Variants in FAM135B observed in about 807,000 individuals in gnomAD.
The protein encoded by FAM135B is family with sequence similarity 135 member B, also known as protein FAM135B.
Under a neutral mutation model 127.7 loss-of-function variants are expected in FAM135B, and 43 were observed. The observed-to-expected ratio is 0.34, with a 90% CI of 0.26 to 0.43. The LOEUF is 0.43. Ranked by LOEUF, FAM135B falls within the 20% of genes least tolerant of loss-of-function variation. The probability of loss-of-function intolerance (pLI) is 1.00; values close to 1 mark genes in which losing one functional copy is unlikely to be tolerated. For missense variants in FAM135B, 1,558 were observed against 1,725.6 expected (o/e 0.90, Z 1.72); for synonymous variants, 670 against 665.1 (o/e 1.01, Z -0.11).
intron 1 of FAM135B, among the ~76,000 whole-genome samples, chr8:138,442,932 A>G (rs1250102883): frequency 6.6e-6 from 1 of 152,186 alleles, no homozygotes; most frequent in African/African-American, 2.4e-5. Context: ...GGTTGTCAGG[A>G]GAACATCCCT....
chr8:138,425,442 G>A (rs1339765414), intron 1 of FAM135B: 1 of 152,184 alleles, frequency 6.6e-6, no homozygotes, highest in African/African-American at 2.4e-5. Flanking sequence ...TCACCAATAA[G>A]ATGCGGTTGC....
intron 2 of FAM135B, among the ~76,000 whole-genome samples, chr8:138,363,045 G>C (rs1411473333): frequency 6.6e-6 from 1 of 152,162 alleles, no homozygotes; most frequent in Non-Finnish European, 1.5e-5. Context: ...AGGTTATACT[G>C]AGCTGGAACT....
At chr8:138,194,571 A>G (rs980125043) in intron 9 of FAM135B, among the ~76,000 whole-genome samples, 8 of 152,212 alleles carry the variant, frequency 5.3e-5, no homozygotes, top group Non-Finnish European at 8.8e-5. Context: ...GTTGAGAAAC[A>G]CTGGTTTAAC....
At chr8:138,275,115 G>T (rs1823718073) in intron 3 of FAM135B, among the ~76,000 whole-genome samples, 1 of 152,086 alleles carries the variant, frequency 6.6e-6, no homozygotes, top group Admixed American at 6.6e-5. Context: ...GTAAAGACAG[G>T]CATAAGAAAT....
At chr8:138,327,165 T>C (rs899272838) in intron 2 of FAM135B, among the ~76,000 whole-genome samples, 3 of 152,206 alleles carry the variant, frequency 2.0e-5, no homozygotes, top group African/African-American at 4.8e-5. Context: ...TCAGGTACTC[T>C]GTAAATATCA....
intron 2 of FAM135B, among the ~76,000 whole-genome samples, chr8:138,334,364 A>G (rs1421975694): frequency 6.6e-6 from 1 of 152,032 alleles, no homozygotes; most frequent in African/African-American, 2.4e-5. Flanking sequence ...TCACTTATTC[A>G]CTTGTTTTGT....
At chr8:138,254,685 C>A (rs1821944550) in intron 5 of FAM135B, among the ~76,000 whole-genome samples, 1 of 152,156 alleles carries the variant, frequency 6.6e-6, no homozygotes, top group African/African-American at 2.4e-5. Flanking sequence ...TCTACACTAT[C>A]CTGCTAAGGA....
At chr8:138,246,162 G>C (rs1821265599) in intron 6 of FAM135B, among the ~76,000 whole-genome samples, 1 of 152,124 alleles carries the variant, frequency 6.6e-6, no homozygotes, top group East Asian at 1.9e-4. Flanking sequence ...GCAGCCTGAT[G>C]ATGCAATAAA....
chr8:138,255,580 G>C (rs1425646648), intron 5 of FAM135B, among the ~76,000 whole-genome samples: 1 of 152,208 alleles, frequency 6.6e-6, no homozygotes. Context: ...CACATATGTG[G>C]AATGAGGGTT....
Position 138,151,305 on chromosome 8 carries a change from A to G in FAM135B, c.3170T>C (p.Phe1057Ser), listed in dbSNP as rs1818120361. Reference sequence around the variant, plus strand: ...GGGAAACAGGGTCTGTTTGGAAGAGAATCCAGCCCTGGCAGGGGTCTCCTT... The same window carrying G: ...GGGAAACAGGGTCTGTTTGGAAGAGGATCCAGCCCTGGCAGGGGTCTCCTT... Reference protein sequence around the residue: ...VPKETPARAGFSSKQTLFPIT... With the variant: ...VPKETPARAGSSSKQTLFPIT... The change falls in exon 13 of 20, where the codon TTC (phenylalanine) becomes TCC (serine). Residue 1057 changes from phenylalanine to serine, a missense_variant. This residue lies in a region of FAM135B where 923 missense variants were observed against 865.3 expected (regional missense o/e 1.07). Coordinates refer to ENST00000395297, the MANE Select transcript of FAM135B (RefSeq NM_015912.4). 1 of 1,613,924 alleles carries G rather than the reference A, an allele frequency of 6.2e-7. No homozygotes were observed. Among genetic ancestry groups the G allele is most frequent in the African/African-American group, 1.3e-5 (1 of 74,924 alleles).
chr8:138,366,016 T>A (rs915133917), intron 2 of FAM135B, among the ~76,000 whole-genome samples: 31 of 152,094 alleles, frequency 2.0e-4, no homozygotes, highest in African/African-American at 7.5e-4. Context: ...TCTTTCCACA[T>A]CCTGATGGCT....
chr8:138,497,553 T>A (rs1338254142), upstream of FAM135B, among the ~76,000 whole-genome samples: 1 of 152,104 alleles, frequency 6.6e-6, no homozygotes, highest in East Asian at 1.9e-4. Flanking sequence ...GGGAGGGGAC[T>A]GTTGAACTTG....
At chr8:138,337,364 G>A (rs936652638) in intron 2 of FAM135B, among the ~76,000 whole-genome samples, 12 of 152,066 alleles carry the variant, frequency 7.9e-5, no homozygotes, top group African/African-American at 2.2e-4. Context: ...AAACCCCACT[G>A]TCTCAGCCCA....
At position 138,141,434 on chromosome 8, in the gene FAM135B, T is replaced by C. The variant is rs1817137934; in HGVS notation, c.3639-85A>G. The C allele has an allele frequency of 4.4e-6, 6 of 1,359,570 alleles. No individual in the cohort carries two copies. Among genetic ancestry groups the C allele is most frequent in the East Asian group, 2.3e-5 (1 of 43,414 alleles). The allele number at this position is 1,359,570 out of a possible 1,614,324, so 84.2% of individuals were successfully genotyped here. On this transcript the variant is annotated intron_variant, in intron 16 of 19. Coordinates refer to ENST00000395297, the MANE Select transcript of FAM135B (RefSeq NM_015912.4). The surrounding 1 kb of genome is among the most constrained non-coding windows in gnomAD (Gnocchi z 4.7). ...GCAGTGCTGGAAGCATCAGGGGCCATTGTTCTCCACCTCCCACTGAATGTA... is the reference window on the plus strand; with the variant it reads ...GCAGTGCTGGAAGCATCAGGGGCCACTGTTCTCCACCTCCCACTGAATGTA...
intron 7 of FAM135B, among the ~76,000 whole-genome samples, chr8:138,214,125 G>C (rs1563777800): frequency 6.6e-6 from 1 of 151,974 alleles, no homozygotes; most frequent in Non-Finnish European, 1.5e-5. Context: ...CCATTGCGCA[G>C]ACAGCCAGGT....
In FAM135B at chr8:138,497,003, T is replaced by G. The variant is rs1196562637; in HGVS notation, c.-352A>C. Among the ~76,000 whole-genome samples, 1 of 151,890 alleles carries G rather than the reference T, an allele frequency of 6.6e-6. No homozygotes were observed. On this transcript the variant is annotated 5_prime_UTR_variant, in exon 1 of 20. Transcript: ENST00000395297. ...GCGAGCAGGCGCCAGGACGCGAGGC[T>G]GTCAGCGCGGTCGGGGGAACGCAGC...
chr8:138,243,190 A>ACC lies in FAM135B; in HGVS notation c.543-124_543-123dup, dbSNP rs535818022. ...GGGATAAGTCATTTAGGAGTAGTTC[A>ACC]CCCCCTAGGGAGTGTTTGCATGTGA... On this transcript the variant is annotated intron_variant, in intron 6 of 19. Transcript: ENST00000395297. The surrounding 1 kb of genome is among the most constrained non-coding windows in gnomAD (Gnocchi z 7.5). 1 of 1,169,260 alleles carries ACC rather than the reference A, an allele frequency of 8.6e-7. No individual in the cohort carries two copies. The highest frequency in any genetic ancestry group is 2.9e-5 in the Admixed American group (1 of 35,074). 72.4% of individuals were successfully genotyped at this position (1,169,260 alleles called of 1,614,324 possible).
At chr8:138,164,939 G>A (rs187493519) in intron 12 of FAM135B, among the ~76,000 whole-genome samples, 1 of 152,062 alleles carries the variant, frequency 6.6e-6, no homozygotes, top group African/African-American at 2.4e-5. Flanking sequence ...CCACACGTTC[G>A]GACAATCTTA....
chr8:138,363,402 C>T (rs1459389699), intron 2 of FAM135B, among the ~76,000 whole-genome samples: 1 of 152,134 alleles, frequency 6.6e-6, no homozygotes, highest in African/African-American at 2.4e-5. Flanking sequence ...TTTCCAAGTC[C>T]TCAGAGCTCA....
Sources: allele counts gnomAD v4.1 joint callset (sites outside exome capture counted in the v4.1 genomes callset), GRCh38; gene constraint gnomAD v4.1.1; regional missense constraint gnomAD v4.1.1; non-coding constraint Gnocchi (gnomAD v3.1); transcripts MANE v1.5; gene names NCBI Gene and HGNC (gene_info 2026-07-23, HGNC 2026-07-21).